TBCB: variants seen among roughly 807,000 people sequenced by gnomAD.
The protein encoded by TBCB is tubulin-folding cofactor B.
A neutral mutation model predicts 29.2 loss-of-function variants in TBCB; 18 were observed. That is an observed-to-expected ratio of 0.62 (90% CI 0.43 to 0.91). The LOEUF is 0.91. Ranked by LOEUF, TBCB falls within the 40% of genes least tolerant of loss-of-function variation. TBCB has a pLI of 0.00. For synonymous variants in TBCB, 172 were observed against 137.8 expected, an observed-to-expected ratio of 1.25 and a Z score of -1.74; for missense variants, 336 against 337.6, an observed-to-expected ratio of 1.00 and a Z score of 0.04.
At position 36,125,690 on chromosome 19, in the gene TBCB, G is replaced by A. The variant is rs1158190857; in HGVS notation, c.643G>A (p.Glu215Lys). Residue 215 changes from glutamate (E) to lysine (K), a missense_variant, in exon 6 of 6, where the codon GAA (glutamate) becomes AAA (lysine). By Grantham distance (56) the Glu-to-Lys change is moderately conservative. Coordinates refer to ENST00000221855, the MANE Select transcript of TBCB (RefSeq NM_001281.3). ...CAGTGTGAATGGGAAACGCTACTTC[G>A]AATGCCAGGCCAAGTATGGCGCCTT... is the stretch of plus-strand genomic sequence containing the variant. ...DGSVNGKRYFECQAKYGAFVK... is the reference protein window; with the variant it reads ...DGSVNGKRYFKCQAKYGAFVK... The A allele has an allele frequency of 3.8e-6, 6 of 1,579,654 alleles. No individual in the cohort carries two copies. In the African/African-American group the frequency reaches 4.1e-5, roughly 11 times the overall value.
In TBCB at chr19:36,121,619, G is replaced by A; in HGVS notation, c.448G>A (p.Ala150Thr). 1 of 1,555,744 alleles carries A rather than the reference G, an allele frequency of 6.4e-7. No homozygotes were observed. The highest frequency in any genetic ancestry group is 8.7e-7 in the Non-Finnish European group (1 of 1,151,382). ...GGAGGCCGAGGCCGCCCAGCGCCTG[G>A]CCGAGGAGAAGGCCCAGGCCAGCTC... is the stretch of plus-strand genomic sequence containing the variant. ...QQEAEAAQRL[A>T]EEKAQASSIP... The change falls in exon 4 of 6, where the codon GCC becomes ACC. Residue 150 changes from alanine (A) to threonine (T), a missense_variant. Physicochemically the swap from Ala to Thr is moderately conservative, Grantham distance 58. Coordinates refer to ENST00000221855, the MANE Select transcript of TBCB (RefSeq NM_001281.3).
intron 2 of TBCB, 145 bp downstream of exon 2, chr19:36,116,329 C>T: frequency 9.1e-7 from 1 of 1,104,470 alleles, no homozygotes; most frequent in African/African-American, 1.6e-5. Context: ...AGAGACAGAC[C>T]CATCATTAGA....
At position 36,115,518 on chromosome 19, in the gene TBCB, A is replaced by G. The variant is rs746128501; in HGVS notation, c.-43A>G. On this transcript the variant is annotated 5_prime_UTR_variant, in exon 1 of 6. Transcript: ENST00000221855. Reference sequence around the variant, plus strand: ...CGGCGGCGGCTGCGGAGCGGGTGTGAGGCGGCTGGACCGCGCTGCAGGCAT... The same window carrying G: ...CGGCGGCGGCTGCGGAGCGGGTGTGGGGCGGCTGGACCGCGCTGCAGGCAT... 6.8e-7 allele frequency: 1 copy of G among 1,477,656 alleles called. No homozygotes were observed. The highest frequency in any genetic ancestry group is 1.9e-5 in the Admixed American group (1 of 51,402). 91.5% of individuals were successfully genotyped at this position (1,477,656 alleles called of 1,614,324 possible). A position where few individuals can be genotyped will look rare whatever the true frequency, so the allele number is the denominator to read the frequency against.
At chr19:36,122,147 T>C (rs1599865838) in intron 4 of TBCB, 1 of 248,292 alleles carries the variant, frequency 4.0e-6, no homozygotes, top group Non-Finnish European at 8.0e-6. Flanking sequence ...GAGGAAGAGT[T>C]CCCGCCAGAA....
chr19:36,120,784 A>G lies in TBCB; in HGVS notation c.333A>G (p.Gln111=). The G allele has an allele frequency of 1.2e-6, 2 of 1,614,002 alleles. No individual in the cohort carries two copies. Among genetic ancestry groups the G allele is most frequent in the Non-Finnish European group, 1.7e-6 (2 of 1,179,980 alleles). The change falls in exon 3 of 6, where the codon CAA becomes CAG. Residue 111 remains glutamine (Q), a synonymous_variant. Coordinates refer to ENST00000221855, the MANE Select transcript of TBCB (RefSeq NM_001281.3). The part of the protein sequence containing the change: ...VSRVEKYTIS[Q]EAYDQRQDTV... ...GGGTGGAGAAGTACACGATCTCACA[A>G]GAAGCCTACGACCAGAGGCAAGGTA...
intron 2 of TBCB, chr19:36,120,352 G>A: frequency 4.1e-6 from 1 of 242,804 alleles, no homozygotes; most frequent in Non-Finnish European, 8.2e-6. Flanking sequence ...GCCAGCTTAG[G>A]AGAGTCCCAG....
At chr19:36,116,276 G>C (rs1947078090) in intron 2 of TBCB, 92 bp downstream of exon 2, 2 of 1,530,704 alleles carry the variant, frequency 1.3e-6, no homozygotes, top group South Asian at 1.2e-5. Context: ...AGTCATACCC[G>C]AGATAGGTCC....
chr19:36,120,772 C>G lies in TBCB; in HGVS notation c.321C>G (p.Tyr107Ter). 1 of 1,614,008 alleles carries G rather than the reference C, an allele frequency of 6.2e-7. No homozygotes were observed. Among genetic ancestry groups the G allele is most frequent in the East Asian group, 2.2e-5 (1 of 44,866 alleles). Residue 107 changes from tyrosine to a stop codon, truncating the protein, a stop_gained, in exon 3 of 6, where the codon TAC becomes TAG. Transcript: ENST00000221855. LOFTEE classifies it high-confidence loss of function. ...AGGACGTGTCCCGGGTGGAGAAGTA[C>G]ACGATCTCACAAGAAGCCTACGACC... ...EYEDVSRVEK[Y>*]TISQEAYDQR... is the part of the protein sequence containing the mutation.
intron 4 of TBCB, chr19:36,121,987 C>G: frequency 1.8e-6 from 1 of 547,362 alleles, no homozygotes; most frequent in Non-Finnish European, 3.2e-6. Flanking sequence ...CTGTGCGCTT[C>G]GAAGCGTGGG....
chr19:36,115,094 C>A (rs926659776), upstream of TBCB: 5 of 596,112 alleles, frequency 8.4e-6, no homozygotes, highest in East Asian at 1.4e-4. Context: ...CCTCAGTTTA[C>A]AGAATAGTAT....
At chr19:36,118,610 C>G (rs1286687401) in intron 2 of TBCB, 4 of 148,700 alleles carry the variant, frequency 2.7e-5, no homozygotes, top group African/African-American at 1.0e-4. Context: ...AACCCAGGAG[C>G]TGGAAGTTGC....
At chr19:36,115,070 T>C, upstream of TBCB, 1 of 600,092 alleles carries the variant, frequency 1.7e-6, no homozygotes. Context: ...GCTTCCAATT[T>C]TTGGGCATCG....
At chr19:36,120,856 T>G in intron 3 of TBCB, 50 bp downstream of exon 3, 2 of 1,583,568 alleles carry the variant, frequency 1.3e-6, no homozygotes, top group Non-Finnish European at 1.7e-6. Flanking sequence ...AGGGAGTATG[T>G]GCAGGTATGA....
At chr19:36,118,917 C>G (rs539284419) in intron 2 of TBCB, among the ~76,000 whole-genome samples, 1 of 152,056 alleles carries the variant, frequency 6.6e-6, no homozygotes, top group Admixed American at 6.6e-5. Flanking sequence ...GTAGGGAGAC[C>G]AGGAAGGGGC....
intron 2 of TBCB, among the ~76,000 whole-genome samples, chr19:36,119,818 G>T (rs1974013799): frequency 6.6e-6 from 1 of 151,596 alleles, no homozygotes; most frequent in African/African-American, 2.4e-5. Context: ...ACTTGAATTT[G>T]CAGTGAGGCA....
rs1974033413 is a variant in TBCB at position 36,120,766 on chromosome 19, G to C, written c.315G>C (p.Glu105Asp). ...AGTATGAGGACGTGTCCCGGGTGGA[G>C]AAGTACACGATCTCACAAGAAGCCT... ...LGEYEDVSRVEKYTISQEAYD... is the reference protein window; with the variant it reads ...LGEYEDVSRVDKYTISQEAYD... The change falls in exon 3 of 6, where the codon GAG becomes GAC. Residue 105 changes from glutamate (E) to aspartate (D), a missense_variant. Transcript: ENST00000221855. 1 of 1,613,910 alleles carries C rather than the reference G, an allele frequency of 6.2e-7. No individual in the cohort carries two copies. The highest frequency in any genetic ancestry group is 1.1e-5 in the South Asian group (1 of 91,080).
intron 2 of TBCB, 153 bp downstream of exon 2, chr19:36,116,337 A>G (rs1380129815): frequency 5.8e-6 from 6 of 1,031,674 alleles, no homozygotes; most frequent in Non-Finnish European, 8.3e-6. Flanking sequence ...ACCCATCATT[A>G]GACAGGGACA....
At chr19:36,121,503 G>A (rs1441788958) in intron 3 of TBCB, 24 bp from the exon 4 acceptor site, 1 of 1,542,194 alleles carries the variant, frequency 6.5e-7, no homozygotes, top group Non-Finnish European at 8.7e-7. Flanking sequence ...CACCCCAACT[G>A]ACCCCAGCCC....
At chr19:36,123,179 C>T (rs1478708757) in intron 4 of TBCB, among the ~76,000 whole-genome samples, 2 of 152,058 alleles carry the variant, frequency 1.3e-5, no homozygotes, top group Admixed American at 1.3e-4. Flanking sequence ...ACAGTGTATC[C>T]AGTCACCAGT....
Sources: gnomAD v4.1 joint callset for allele counts (sites outside exome capture counted in the v4.1 genomes callset) on GRCh38, gnomAD v4.1.1 for gene constraint, MANE v1.5 for transcripts, NCBI Gene and HGNC (gene_info 2026-07-23, HGNC 2026-07-21) for gene names.